Variants in MAP2K6 observed in about 807,000 individuals in gnomAD.
MAP2K6 encodes dual specificity mitogen-activated protein kinase kinase 6.
MAP2K6 carries 16 observed loss-of-function variants against 53.7 expected under a neutral mutation model. That is an observed-to-expected ratio of 0.30 (90% CI 0.20 to 0.45). MAP2K6 has a LOEUF of 0.45. Among genes scored for constraint, MAP2K6 ranks in the 20% least tolerant of loss-of-function variants. The probability of loss-of-function intolerance (pLI) is 1.00; values close to 1 mark genes in which losing one functional copy is unlikely to be tolerated. For synonymous variants in MAP2K6, 132 were observed against 143.1 expected (o/e 0.92, Z 0.55); for missense variants, 204 against 411.9 (o/e 0.50, Z 4.37).
chr17:69,518,355 T>C (rs953786883), intron 4 of MAP2K6, among the ~76,000 whole-genome samples: 3 of 152,210 alleles, frequency 2.0e-5, no homozygotes, highest in Non-Finnish European at 2.9e-5. Context: ...TTGGCTGTTA[T>C]GACTCATAGA....
rs1024599334 is a variant in MAP2K6, at chr17:69,551,120, C to T, written c.*9367C>T. On this transcript the variant is annotated 3_prime_UTR_variant, in exon 12 of 12. Coordinates refer to ENST00000590474, the MANE Select transcript of MAP2K6 (RefSeq NM_002758.4). ...TTTGTTCACCGTCTCAGTGACAAGG[C>T]GTGGAGTGACTGGGCTCTTCATATG... 2.6e-5 allele frequency: 4 copies of T among 152,138 alleles called. No individual in the cohort carries two copies. The highest frequency in any genetic ancestry group is 3.8e-4 in the East Asian group (2 of 5,202). The allele number at this position is 152,138 out of a possible 1,614,324, so 9.4% of individuals were successfully genotyped here. A position where few individuals can be genotyped will look rare whatever the true frequency, so the allele number is the denominator to read the frequency against.
At chr17:69,524,500 A>G (rs994670018) in intron 8 of MAP2K6, among the ~76,000 whole-genome samples, 1 of 151,274 alleles carries the variant, frequency 6.6e-6, no homozygotes, top group Non-Finnish European at 1.5e-5. Flanking sequence ...GTCTGTGTTT[A>G]GCTAAAAATT....
intron 7 of MAP2K6, among the ~76,000 whole-genome samples, chr17:69,522,593 G>T (rs1452966508): frequency 2.0e-5 from 3 of 151,956 alleles, no homozygotes; most frequent in African/African-American, 7.3e-5. Context: ...TCCATTTTTT[G>T]GGCATATGGG....
chr17:69,495,729 T>TAAA (rs34975415), intron 1 of MAP2K6, among the ~76,000 whole-genome samples: 1 of 149,724 alleles, frequency 6.7e-6, no homozygotes, highest in African/African-American at 2.5e-5. Flanking sequence ...GTATTATCTC[T>TAAA]AAAAAAAAAA....
chr17:69,519,439 G>A lies in MAP2K6; in HGVS notation c.366+7G>A, dbSNP rs746563142. 1.2e-6 allele frequency: 2 copies of A among 1,614,040 alleles called. No individual in the cohort carries two copies. The highest frequency in any genetic ancestry group is 3.3e-5 in the Admixed American group (2 of 60,020). On this transcript the variant is annotated splice_region_variant and intron_variant, in intron 5 of 11. Transcript: ENST00000590474. ...TGGCGCACTGTTTCGGGAGGTAGGT[G>A]ACCCTTCAATTCAAAGTCCAAGAGG...
intron 1 of MAP2K6, among the ~76,000 whole-genome samples, chr17:69,436,465 A>C (rs965964150): frequency 1.3e-5 from 2 of 152,228 alleles, no homozygotes; most frequent in Non-Finnish European, 2.9e-5. Flanking sequence ...AGAATTTTCT[A>C]TCTTGTTTAC....
chr17:69,532,099 A>AG (rs1911111694), intron 10 of MAP2K6, among the ~76,000 whole-genome samples: 5 of 152,200 alleles, frequency 3.3e-5, no homozygotes. Context: ...GTCTGATGGC[A>AG]TATTGAAGGG....
intron 1 of MAP2K6, among the ~76,000 whole-genome samples, chr17:69,479,822 T>C (rs1251314527): frequency 6.6e-6 from 1 of 151,686 alleles, no homozygotes; most frequent in Non-Finnish European, 1.5e-5. Flanking sequence ...CAAGCGATTC[T>C]CCTGCCTCCA....
chr17:69,469,396 G>C (rs1337927952), intron 1 of MAP2K6, among the ~76,000 whole-genome samples: 1 of 152,218 alleles, frequency 6.6e-6, no homozygotes, highest in South Asian at 2.1e-4. Context: ...AATCTGGGAA[G>C]TAGGACATGG....
At chr17:69,423,266 G>A (rs1047212693) in intron 1 of MAP2K6, among the ~76,000 whole-genome samples, 1 of 152,116 alleles carries the variant, frequency 6.6e-6, no homozygotes, top group Non-Finnish European at 1.5e-5. Flanking sequence ...CAAAATCAAT[G>A]TTTCATGACA....
At chr17:69,507,062 A>G (rs963220143) in intron 2 of MAP2K6, among the ~76,000 whole-genome samples, 1 of 151,518 alleles carries the variant, frequency 6.6e-6, no homozygotes, top group African/African-American at 2.4e-5. Context: ...TCAAGAGCTT[A>G]CAGTCAAATA....
chr17:69,550,636 C>T lies in MAP2K6; in HGVS notation c.*8883C>T, dbSNP rs1470627447. The T allele has an allele frequency of 6.6e-6, 1 of 152,046 alleles. No homozygotes were observed. The highest frequency in any genetic ancestry group is 2.4e-5 in the African/African-American group (1 of 41,386). The allele number at this position is 152,046 out of a possible 1,614,324, so 9.4% of individuals were successfully genotyped here. On this transcript the variant is annotated 3_prime_UTR_variant, in exon 12 of 12. Transcript: ENST00000590474. ...TGTTCAATACTTGGGGAGATAAGAG[C>T]GAGGTACAGCTGTGGTTTTCAGACC...
At position 69,550,056 on chromosome 17, in the gene MAP2K6, C is replaced by A. The variant is rs559995978; in HGVS notation, c.*8303C>A. 1.3e-5 allele frequency: 2 copies of A among 152,104 alleles called. No individual in the cohort carries two copies. Among genetic ancestry groups the A allele is most frequent in the South Asian group, 4.2e-4 (2 of 4,814 alleles). The allele number at this position is 152,104 out of a possible 1,614,324, so 9.4% of individuals were successfully genotyped here. On this transcript the variant is annotated 3_prime_UTR_variant, in exon 12 of 12. Coordinates refer to ENST00000590474, the MANE Select transcript of MAP2K6 (RefSeq NM_002758.4). ...GATGATTTCCTATGGGAAAACCCAT[C>A]AAAAAGCCAAACCTTTATTGTTATT... is the stretch of plus-strand genomic sequence containing the variant.
At chr17:69,484,916 G>C (rs1908474006) in intron 1 of MAP2K6, among the ~76,000 whole-genome samples, 2 of 152,218 alleles carry the variant, frequency 1.3e-5, no homozygotes, top group South Asian at 4.1e-4. Context: ...CCAGGGGCTA[G>C]AGGGAAGGGT....
intron 1 of MAP2K6, among the ~76,000 whole-genome samples, chr17:69,504,188 C>T (rs1218237480): frequency 6.6e-6 from 1 of 152,032 alleles, no homozygotes; most frequent in African/African-American, 2.4e-5. Flanking sequence ...GCTTCAGGAT[C>T]TATCCAGGGC....
At chr17:69,529,807 G>A (rs1037144333) in intron 10 of MAP2K6, among the ~76,000 whole-genome samples, 3 of 152,038 alleles carry the variant, frequency 2.0e-5, no homozygotes, top group African/African-American at 4.8e-5. Context: ...CACTGCGTCC[G>A]GCCAATTTTT....
Position 69,523,531 on chromosome 17 carries a change from G to A in MAP2K6, c.553G>A (p.Val185Ile), listed in dbSNP as rs1413597818. 1.9e-6 allele frequency: 3 copies of A among 1,613,904 alleles called. No homozygotes were observed. The highest frequency in any genetic ancestry group is 1.7e-5 in the Admixed American group (1 of 59,994). The change falls in exon 8 of 12, where the codon GTA becomes ATA. Residue 185 changes from valine to isoleucine, a missense_variant. Physicochemically the swap from Val to Ile is conservative, Grantham distance 29 (BLOSUM62 3). This residue lies in a region of MAP2K6 where 129 missense variants were observed against 247.1 expected (regional missense o/e 0.52). Transcript: ENST00000590474. ...VIHRDVKPSN[V>I]LINALGQVKM... ...GCTTTCAGACGTCAAGCCTTCTAAT[G>A]TACTCATCAATGCTCTCGGTCAAGT...
intron 11 of MAP2K6, among the ~76,000 whole-genome samples, chr17:69,537,351 T>C (rs922455036): frequency 1.3e-5 from 2 of 152,244 alleles, no homozygotes; most frequent in Non-Finnish European, 1.5e-5. Context: ...GTTACGTTCA[T>C]GCACAATTTC....
At chr17:69,451,893 C>G (rs757869756) in intron 1 of MAP2K6, among the ~76,000 whole-genome samples, 1 of 152,108 alleles carries the variant, frequency 6.6e-6, no homozygotes, top group East Asian at 1.9e-4. Context: ...TCTGGTGGTG[C>G]ACTCCAGCAT....
Sources: allele counts gnomAD v4.1 joint callset (sites outside exome capture counted in the v4.1 genomes callset), GRCh38; gene constraint gnomAD v4.1.1; regional missense constraint gnomAD v4.1.1; transcripts MANE v1.5; gene names NCBI Gene and HGNC (gene_info 2026-07-23, HGNC 2026-07-21).